Variants in PACSIN2 observed in about 807,000 individuals in gnomAD.
The protein encoded by PACSIN2 is protein kinase C and casein kinase substrate in neurons protein 2.
A neutral mutation model predicts 63.8 loss-of-function variants in PACSIN2; 25 were observed. The ratio of observed to expected loss-of-function variants is 0.39; its 90% CI spans 0.29 to 0.55. The LOEUF (loss-of-function observed/expected upper bound fraction) is 0.55. Ranked by LOEUF, PACSIN2 falls within the 20% of genes least tolerant of loss-of-function variation. The pLI, the probability that PACSIN2 is intolerant of heterozygous loss-of-function variation, is 0.62. For synonymous variants in PACSIN2, 255 were observed against 256.2 expected (o/e 1.00, Z 0.05); for missense variants, 518 against 646.9 (o/e 0.80, Z 2.16).
At chr22:42,900,930 C>T (rs537126919) in intron 2 of PACSIN2, among the ~76,000 whole-genome samples, 5 of 152,244 alleles carry the variant, frequency 3.3e-5, no homozygotes, top group African/African-American at 7.2e-5. Context: ...TGAGATGATG[C>T]GTGTGCTTCC....
intron 5 of PACSIN2, among the ~76,000 whole-genome samples, chr22:42,886,455 T>TAGGTAG (rs1569221754): frequency 1.9e-4 from 7 of 36,466 alleles, no homozygotes; most frequent in East Asian, 5.4e-4. Context: ...TAGGTAGGTA[T>TAGGTAG]GTATGTACCT....
intron 1 of PACSIN2, among the ~76,000 whole-genome samples, chr22:42,981,709 C>A (rs1221957937): frequency 9.1e-6 from 1 of 109,892 alleles, no homozygotes; most frequent in Non-Finnish European, 1.9e-5. Flanking sequence ...CTCCTCTGCC[C>A]GGCCGCCCCT....
intron 1 of PACSIN2, among the ~76,000 whole-genome samples, chr22:43,009,680 C>A (rs1924324311): frequency 6.6e-6 from 1 of 152,130 alleles, no homozygotes; most frequent in African/African-American, 2.4e-5. Context: ...ACGCTCCTCC[C>A]CCTCTGTCAT....
intron 8 of PACSIN2, among the ~76,000 whole-genome samples, chr22:42,878,081 C>T (rs1432272951): frequency 6.6e-6 from 1 of 152,212 alleles, no homozygotes; most frequent in Non-Finnish European, 1.5e-5. Flanking sequence ...CCCTCCTTGG[C>T]ACCTTTCTCT....
In PACSIN2 at chr22:43,010,396, A is replaced by ATTTTTTTT. The variant is rs911611355; in HGVS notation, c.-78+4624_-78+4625insAAAAAAAA. 1.8e-4 allele frequency among the ~76,000 whole-genome samples: 11 copies of ATTTTTTTT among 62,680 alleles called. No homozygotes were observed. The East Asian group carries it at 2.5e-3, about 14-fold the overall frequency. The allele number at this position is 62,680 out of a possible 152,430, so 41.1% of individuals were successfully genotyped here. A position where few individuals can be genotyped will look rare whatever the true frequency, so the allele number is the denominator to read the frequency against. ...TCTGTTTAAAAATACATATATATATATATTTTTTTTTAATTGAAAATAAAA... is the reference window on the plus strand; with the variant it reads ...TCTGTTTAAAAATACATATATATATATTTTTTTTTATTTTTTTTTAATTGAAAATAAAA... On this transcript the variant is annotated intron_variant, in intron 1 of 10. Coordinates refer to ENST00000263246, the MANE Select transcript of PACSIN2 (RefSeq NM_001184970.3).
At chr22:43,001,231 G>C (rs1923747068) in intron 1 of PACSIN2, among the ~76,000 whole-genome samples, 1 of 152,220 alleles carries the variant, frequency 6.6e-6, no homozygotes, top group Non-Finnish European at 1.5e-5. Flanking sequence ...GGAGCTAAGA[G>C]CATATGGTTC....
At chr22:42,988,067 G>A (rs541225537) in intron 1 of PACSIN2, among the ~76,000 whole-genome samples, 83 of 152,152 alleles carry the variant, frequency 5.5e-4, no homozygotes, top group Non-Finnish European at 9.1e-4. Context: ...AACTCGGGAG[G>A]TGGAGGTTGC....
intron 2 of PACSIN2, among the ~76,000 whole-genome samples, chr22:42,896,108 A>G (rs2413727): frequency 0.66 from 99,809 of 152,054 alleles, 34,683 homozygotes; most frequent in African/African-American, 0.88. Flanking sequence ...ACTGTCTACC[A>G]CCTCCACAGC....
chr22:42,924,165 C>T lies in PACSIN2; in HGVS notation c.-77-12008G>A, dbSNP rs9623716. On this transcript the variant is annotated intron_variant, in intron 1 of 10. Transcript: ENST00000263246. ...CCCAGCTTTAGGGAGCGGGGGAGGT[C>T]CATGAGCACCTCCTGGACCGGCCTT... Among the ~76,000 whole-genome samples, 891 of 152,128 alleles carry T rather than the reference C, an allele frequency of 5.9e-3. 8 individuals carry two copies. The highest frequency in any genetic ancestry group is 0.021 in the African/African-American group (862 of 41,480).
intron 2 of PACSIN2, among the ~76,000 whole-genome samples, chr22:42,894,331 C>T (rs1028245379): frequency 6.6e-6 from 1 of 152,026 alleles, no homozygotes; most frequent in Non-Finnish European, 1.5e-5. Context: ...ACCTCCGCAT[C>T]CCAGGTTCAA....
intron 1 of PACSIN2, among the ~76,000 whole-genome samples, chr22:42,985,652 A>G (rs897568514): frequency 6.6e-6 from 1 of 152,180 alleles, no homozygotes; most frequent in African/African-American, 2.4e-5. Context: ...CCCCTCCAAC[A>G]GACACACACA....
intron 1 of PACSIN2, among the ~76,000 whole-genome samples, chr22:43,006,865 C>T (rs961736551): frequency 2.0e-5 from 3 of 152,178 alleles, no homozygotes; most frequent in Admixed American, 6.5e-5. Flanking sequence ...ACTGCATTCT[C>T]AACCAAACAC....
At chr22:42,998,806 A>C (rs1923576824) in intron 1 of PACSIN2, among the ~76,000 whole-genome samples, 1 of 152,118 alleles carries the variant, frequency 6.6e-6, no homozygotes, top group Non-Finnish European at 1.5e-5. Context: ...TCCTGTGCCC[A>C]TATAAAACCC....
intron 2 of PACSIN2, among the ~76,000 whole-genome samples, chr22:42,904,318 C>T (rs1340738773): frequency 6.6e-6 from 1 of 152,220 alleles, no homozygotes; most frequent in East Asian, 1.9e-4. Flanking sequence ...ATCCTGGAGC[C>T]CTGGGTCTCT....
At chr22:42,978,192 G>A (rs1178237313) in intron 1 of PACSIN2, among the ~76,000 whole-genome samples, 2 of 152,170 alleles carry the variant, frequency 1.3e-5, no homozygotes, top group African/African-American at 4.8e-5. Flanking sequence ...GTAAGCTCAA[G>A]AGAAGTGAAA....
intron 1 of PACSIN2, among the ~76,000 whole-genome samples, chr22:42,985,717 T>G (rs1922561053): frequency 6.6e-6 from 1 of 152,204 alleles, no homozygotes; most frequent in Non-Finnish European, 1.5e-5. Flanking sequence ...TCTGTCTGCC[T>G]CTTCACCACA....
chr22:42,942,585 T>C (rs573954620), intron 1 of PACSIN2, among the ~76,000 whole-genome samples: 3 of 152,350 alleles, frequency 2.0e-5, no homozygotes, highest in Admixed American at 2.0e-4. Context: ...AAGTTTTATA[T>C]GTGGCATGAG....
At position 42,884,389 on chromosome 22, in the gene PACSIN2, G is replaced by C. The variant is rs371512988; in HGVS notation, c.782C>G (p.Ala261Gly). ...VQKHLDLSNV[A>G]GYKAIYHDLE... ...TTTTAGCTCAAAGGAAACTTACCCA[G>C]CCACATTGGACAGGTCTAGGTGCTT... Residue 261 changes from alanine to glycine, a missense_variant, in exon 6 of 11, where the codon GCT becomes GGT. Physicochemically the swap from Ala to Gly is moderately conservative, Grantham distance 60 (BLOSUM62 0). Coordinates refer to ENST00000263246, the MANE Select transcript of PACSIN2 (RefSeq NM_001184970.3). 6.2e-7 allele frequency: 1 copy of C among 1,609,140 alleles called. No homozygotes were observed. The highest frequency in any genetic ancestry group is 8.5e-7 in the Non-Finnish European group (1 of 1,178,324).
chr22:42,959,950 A>C (rs948214024), intron 1 of PACSIN2: 1 of 152,222 alleles, frequency 6.6e-6, no homozygotes, highest in Admixed American at 6.6e-5. Flanking sequence ...GGTCATTCCC[A>C]TACACTGCTG....
Sources: gnomAD v4.1 joint callset for allele counts (sites outside exome capture counted in the v4.1 genomes callset) on GRCh38, gnomAD v4.1.1 for gene constraint, MANE v1.5 for transcripts, NCBI Gene and HGNC (gene_info 2026-07-23, HGNC 2026-07-21) for gene names.